GRIA2: variants seen among roughly 807,000 people sequenced by gnomAD.
The protein encoded by GRIA2 is glutamate receptor 2.
Under a neutral mutation model 97.3 loss-of-function variants are expected in GRIA2, and 14 were observed. The ratio of observed to expected loss-of-function variants is 0.14; its 90% confidence interval spans 0.10 to 0.23. The LOEUF is 0.23. Among genes scored for constraint, GRIA2 ranks in the 10% least tolerant of loss-of-function variants. The pLI, the probability that GRIA2 is intolerant of heterozygous loss-of-function variation, is 1.00. For synonymous variants in GRIA2, 412 were observed against 387.8 expected (o/e 1.06, Z -0.73); for missense variants, 558 against 1,069.8 (o/e 0.52, Z 6.67).
rs1458765722 is a variant in GRIA2 at position 157,221,752 on chromosome 4, G to A, written c.174G>A (p.Leu58=). The A allele has an allele frequency of 2.5e-6, 4 of 1,613,806 alleles. No homozygotes were observed. In the East Asian group the frequency reaches 6.7e-5, roughly 27 times the overall value. Residue 58 remains leucine (L), a synonymous_variant, in exon 2 of 16, where the codon CTG becomes CTA. Transcript: ENST00000264426. The part of the protein sequence containing the change: ...MVQFSTSEFR[L]TPHIDNLEVA... ...AGTTTTCCACTTCGGAGTTCAGACT[G>A]ACACCCCACATCGACAATTTGGAGG...
chr4:157,315,480 G>T (rs1395013293), intron 4 of GRIA2, among the ~76,000 whole-genome samples: 1 of 151,328 alleles, frequency 6.6e-6, no homozygotes, highest in Non-Finnish European at 1.5e-5. Flanking sequence ...CTTGAAGTTA[G>T]CAATAAATTA....
rs1208126143 is a variant in GRIA2, at chr4:157,365,672, A to G, written c.*2241A>G. 1 of 151,992 alleles carries G rather than the reference A, an allele frequency of 6.6e-6. No homozygotes were observed. The highest frequency in any genetic ancestry group is 2.4e-5 in the African/African-American group (1 of 41,398). The allele number at this position is 151,992 out of a possible 1,614,324, so 9.4% of individuals were successfully genotyped here. On this transcript the variant is annotated 3_prime_UTR_variant, in exon 16 of 16. Transcript: ENST00000264426. ...TTAATATCCATGTAACGGTGCATCA[A>G]TATATTGCTATATAAATATGTCTGT...
At chr4:157,266,815 C>T (rs1420012694) in intron 2 of GRIA2, among the ~76,000 whole-genome samples, 3 of 151,940 alleles carry the variant, frequency 2.0e-5, no homozygotes, top group African/African-American at 7.3e-5. Flanking sequence ...GCCTGTAATC[C>T]CAGAACTTTG....
At chr4:157,233,345 ACT>A (rs1199560802) in intron 2 of GRIA2, among the ~76,000 whole-genome samples, 1 of 151,964 alleles carries the variant, frequency 6.6e-6, no homozygotes, top group Non-Finnish European at 1.5e-5. Context: ...ACAATTTCAA[ACT>A]CTCATATTTT....
chr4:157,279,138 A>T (rs1235921827), intron 2 of GRIA2, among the ~76,000 whole-genome samples: 1 of 152,118 alleles, frequency 6.6e-6, no homozygotes, highest in Admixed American at 6.6e-5. Flanking sequence ...ATATGTCCAT[A>T]CAAAAACCTG....
chr4:157,259,029 C>T (rs1731409386), intron 2 of GRIA2, among the ~76,000 whole-genome samples: 1 of 151,974 alleles, frequency 6.6e-6, no homozygotes, highest in Non-Finnish European at 1.5e-5. Flanking sequence ...CGAGACCAGC[C>T]TGGGTAATAT....
chr4:157,300,606 A>C (rs1468457720), intron 2 of GRIA2, among the ~76,000 whole-genome samples: 3 of 152,158 alleles, frequency 2.0e-5, no homozygotes, highest in African/African-American at 4.8e-5. Flanking sequence ...AAAATAGAGG[A>C]TATATGCAAA....
intron 12 of GRIA2, among the ~76,000 whole-genome samples, chr4:157,355,989 T>TAA (rs1193741386): frequency 1.2e-5 from 1 of 80,994 alleles, no homozygotes; most frequent in Non-Finnish European, 2.3e-5. Context: ...ATTTATATAT[T>TAA]TATATATATT....
chr4:157,308,221 G>C (rs1213027239), intron 3 of GRIA2, among the ~76,000 whole-genome samples: 1 of 152,174 alleles, frequency 6.6e-6, no homozygotes, highest in Non-Finnish European at 1.5e-5. Context: ...ACTGGGTCAA[G>C]ATGAGACTAT....
chr4:157,275,075 T>C (rs1732227166), intron 2 of GRIA2, among the ~76,000 whole-genome samples: 1 of 152,122 alleles, frequency 6.6e-6, no homozygotes. Flanking sequence ...TGGTGTGAGA[T>C]GGTATCTCAT....
intron 2 of GRIA2, among the ~76,000 whole-genome samples, chr4:157,282,834 G>T (rs1732668583): frequency 6.6e-6 from 1 of 152,012 alleles, no homozygotes; most frequent in East Asian, 1.9e-4. Context: ...CCTGAGCCCA[G>T]AAAATATGTA....
At chr4:157,269,655 C>A (rs1435893054) in intron 2 of GRIA2, among the ~76,000 whole-genome samples, 1 of 152,024 alleles carries the variant, frequency 6.6e-6, no homozygotes, top group Non-Finnish European at 1.5e-5. Flanking sequence ...GTAGATTATA[C>A]AAGCCTAGGT....
At chr4:157,224,854 T>C (rs1729672046) in intron 2 of GRIA2, among the ~76,000 whole-genome samples, 1 of 152,082 alleles carries the variant, frequency 6.6e-6, no homozygotes, top group African/African-American at 2.4e-5. Flanking sequence ...TTTTTTCCCA[T>C]TTCCTCTAGA....
intron 12 of GRIA2, 96 bp downstream of exon 12, chr4:157,341,558 T>G: frequency 1.3e-6 from 1 of 789,488 alleles, no homozygotes; most frequent in Non-Finnish European, 2.2e-6. Context: ...AGGTACTATG[T>G]GAAAGCACCC....
At chr4:157,324,846 A>G (rs763361542) in intron 6 of GRIA2, among the ~76,000 whole-genome samples, 41 of 152,322 alleles carry the variant, frequency 2.7e-4, no homozygotes, top group Middle Eastern at 3.4e-3. Flanking sequence ...AAATATAAAC[A>G]AAGAATATAG....
At chr4:157,328,857 T>C (rs1734923464) in intron 6 of GRIA2, among the ~76,000 whole-genome samples, 2 of 152,030 alleles carry the variant, frequency 1.3e-5, no homozygotes, top group African/African-American at 2.4e-5. Flanking sequence ...TATTTTATTA[T>C]TTATGGAGAA....
chr4:157,273,724 C>A (rs1714622813), intron 2 of GRIA2, among the ~76,000 whole-genome samples: 1 of 151,820 alleles, frequency 6.6e-6, no homozygotes, highest in South Asian at 2.1e-4. Context: ...ACAGAATAGC[C>A]AAGAACTATG....
At chr4:157,242,960 T>A (rs1730572158) in intron 2 of GRIA2, among the ~76,000 whole-genome samples, 2 of 152,084 alleles carry the variant, frequency 1.3e-5, no homozygotes, top group South Asian at 4.1e-4. Flanking sequence ...AATTCCTATC[T>A]ATGCTTGGGA....
chr4:157,264,881 G>GCT (rs1316122145), intron 2 of GRIA2, among the ~76,000 whole-genome samples: 1 of 150,910 alleles, frequency 6.6e-6, no homozygotes, highest in Non-Finnish European at 1.5e-5. Flanking sequence ...ATACACACAC[G>GCT]CTCTCTCTCT....
Sources: allele counts gnomAD v4.1 joint callset (sites outside exome capture counted in the v4.1 genomes callset), GRCh38; gene constraint gnomAD v4.1.1; transcripts MANE v1.5; gene names NCBI Gene and HGNC (gene_info 2026-07-23, HGNC 2026-07-21).